The following SH3GL2 variants were observed in gnomAD, a reference collection of about 807,000 sequenced individuals.
SH3GL2 encodes endophilin-A1.
In SH3GL2, 24 loss-of-function variants were observed where a neutral mutation model predicts 46.0. The ratio of observed to expected loss-of-function variants is 0.52; its 90% confidence interval spans 0.38 to 0.73. The LOEUF is 0.73. Ranked by LOEUF, SH3GL2 falls within the 30% of genes least tolerant of loss-of-function variation. The pLI, the probability that SH3GL2 is intolerant of heterozygous loss-of-function variation, is 0.00. For missense variants in SH3GL2, 413 were observed against 424.2 expected (o/e 0.97, Z 0.23); for synonymous variants, 196 against 147.1 (o/e 1.33, Z -2.40).
At chr9:17,591,066 A>T (rs1178160861) in intron 1 of SH3GL2, 1 of 152,136 alleles carries the variant, frequency 6.6e-6, no homozygotes, top group Admixed American at 6.5e-5. Flanking sequence ...CTAACATTTA[A>T]TTCACTTTTT....
At chr9:17,692,962 G>A (rs1821119786) in intron 1 of SH3GL2, among the ~76,000 whole-genome samples, 1 of 152,060 alleles carries the variant, frequency 6.6e-6, no homozygotes, top group Non-Finnish European at 1.5e-5. Context: ...CATGAGAATA[G>A]CAAGGGGAGA....
In SH3GL2 at chr9:17,795,809, A is replaced by G. The variant is rs953630693; in HGVS notation, c.*66A>G. 5.4e-5 allele frequency: 71 copies of G among 1,316,202 alleles called. No homozygotes were observed. The highest frequency in any genetic ancestry group is 2.3e-4 in the Middle Eastern group (1 of 4,326). 81.5% of individuals were successfully genotyped at this position (1,316,202 alleles called of 1,614,324 possible). ...GTTACGGTTAACCACTGCTTTGGCAATGCTGCTTATAACACATCCCAAGTG... is the reference window on the plus strand; with the variant it reads ...GTTACGGTTAACCACTGCTTTGGCAGTGCTGCTTATAACACATCCCAAGTG... On this transcript the variant is annotated 3_prime_UTR_variant, in exon 9 of 9. Coordinates refer to ENST00000380607, the MANE Select transcript of SH3GL2 (RefSeq NM_003026.5).
intron 1 of SH3GL2, among the ~76,000 whole-genome samples, chr9:17,741,376 ATAAT>A (rs1239796211): frequency 1.3e-5 from 2 of 152,226 alleles, no homozygotes; most frequent in Admixed American, 1.3e-4. Context: ...GATTAAGAAA[ATAAT>A]TAGGTCATTA....
intron 3 of SH3GL2, among the ~76,000 whole-genome samples, chr9:17,761,938 G>T (rs532719675): frequency 6.6e-6 from 1 of 152,214 alleles, no homozygotes; most frequent in African/African-American, 2.4e-5. Flanking sequence ...TCTTCATAGG[G>T]CATCACCAAA....
intron 1 of SH3GL2, among the ~76,000 whole-genome samples, chr9:17,641,875 A>G (rs779170018): frequency 6.6e-6 from 1 of 152,134 alleles, no homozygotes; most frequent in Non-Finnish European, 1.5e-5. Flanking sequence ...AGTCTTTGCT[A>G]TTGTGAATAA....
chr9:17,772,686 A>C (rs751145583), intron 3 of SH3GL2, among the ~76,000 whole-genome samples: 3 of 152,148 alleles, frequency 2.0e-5, no homozygotes, highest in Non-Finnish European at 2.9e-5. Context: ...CTTCCTTTTT[A>C]AGGCTGAATA....
chr9:17,595,116 C>G (rs1331692738), intron 1 of SH3GL2, among the ~76,000 whole-genome samples: 2 of 152,074 alleles, frequency 1.3e-5, no homozygotes, highest in Non-Finnish European at 2.9e-5. Context: ...GAAGCTGAAA[C>G]ACAGAGGTGG....
At chr9:17,733,900 T>C (rs933900407) in intron 1 of SH3GL2, among the ~76,000 whole-genome samples, 9 of 152,040 alleles carry the variant, frequency 5.9e-5, no homozygotes, top group African/African-American at 1.9e-4. Flanking sequence ...ATATTCTCAC[T>C]GATAGGTGGG....
intron 1 of SH3GL2, among the ~76,000 whole-genome samples, chr9:17,586,706 C>A (rs7849043): frequency 0.75 from 114,699 of 152,018 alleles, 43,821 homozygotes; most frequent in African/African-American, 0.88. Context: ...AAACCGTCAG[C>A]TCTCGTGAGA....
chr9:17,680,594 T>G (rs1820741913), intron 1 of SH3GL2, among the ~76,000 whole-genome samples: 1 of 150,940 alleles, frequency 6.6e-6, no homozygotes, highest in African/African-American at 2.5e-5. Context: ...CTGGATTCAT[T>G]GATTTTTTGA....
intron 1 of SH3GL2, among the ~76,000 whole-genome samples, chr9:17,629,213 TTGTG>T (rs1819364877): frequency 6.6e-6 from 1 of 152,182 alleles, no homozygotes. Flanking sequence ...GGCCCTCATA[TTGTG>T]TAGTCATTAA....
At chr9:17,787,124 C>A (rs528984741) in intron 4 of SH3GL2, among the ~76,000 whole-genome samples, 6 of 152,256 alleles carry the variant, frequency 3.9e-5, no homozygotes, top group Admixed American at 6.5e-5. Flanking sequence ...CTGGTACTTA[C>A]AAGAGAGGGC....
intron 1 of SH3GL2, among the ~76,000 whole-genome samples, chr9:17,681,496 T>G (rs1307329286): frequency 6.6e-6 from 1 of 152,006 alleles, no homozygotes; most frequent in Non-Finnish European, 1.5e-5. Flanking sequence ...AACATGGGCT[T>G]AATATGCAGA....
At chr9:17,733,146 A>G (rs1205618827) in intron 1 of SH3GL2, among the ~76,000 whole-genome samples, 1 of 152,098 alleles carries the variant, frequency 6.6e-6, no homozygotes, top group East Asian at 1.9e-4. Flanking sequence ...CCTCTTTCCT[A>G]CAACCCTCAC....
At chr9:17,671,983 C>A (rs900839625) in intron 1 of SH3GL2, among the ~76,000 whole-genome samples, 5 of 152,106 alleles carry the variant, frequency 3.3e-5, no homozygotes, top group Admixed American at 1.3e-4. Flanking sequence ...TAAATTAATT[C>A]TATTTAAGTC....
chr9:17,735,808 G>C (rs573206217), intron 1 of SH3GL2: 11 of 887,944 alleles, frequency 1.2e-5, no homozygotes, highest in Admixed American at 6.2e-5. Context: ...GCTTAAGTTA[G>C]CAGGTAGGTG....
intron 1 of SH3GL2, among the ~76,000 whole-genome samples, chr9:17,672,407 C>G (rs1236551984): frequency 2.0e-5 from 3 of 152,094 alleles, no homozygotes; most frequent in Admixed American, 2.0e-4. Context: ...GGTCCTTGAC[C>G]TGAGCTCATT....
At position 17,793,416 on chromosome 9, in the gene SH3GL2, C is replaced by T. The variant is rs751906805; in HGVS notation, c.778C>T (p.Arg260Ter). The T allele has an allele frequency of 2.5e-6, 4 of 1,612,400 alleles. No homozygotes were observed. Among genetic ancestry groups the T allele is most frequent in the Admixed American group, 1.7e-5 (1 of 59,778 alleles). ...TAGAAGGGAATATCAACCTAAACCA[C>T]GAATGAGCCTGGAGTTTCCAACTGG... ...QPRREYQPKP[R>*]MSLEFPTGDS... is the part of the protein sequence containing the mutation. The change falls in exon 8 of 9, where the codon CGA becomes TGA. Residue 260 changes from arginine (R) to a stop codon, truncating the protein, a stop_gained. Coordinates refer to ENST00000380607, the MANE Select transcript of SH3GL2 (RefSeq NM_003026.5). LOFTEE classifies it high-confidence loss of function.
intron 1 of SH3GL2, among the ~76,000 whole-genome samples, chr9:17,640,359 C>CT (rs1403551791): frequency 6.6e-6 from 1 of 151,456 alleles, no homozygotes; most frequent in African/African-American, 2.4e-5. Context: ...TTCCTTTTTT[C>CT]TTTTTTTTAA....
Sources: gnomAD v4.1 joint callset for allele counts (sites outside exome capture counted in the v4.1 genomes callset) on GRCh38, gnomAD v4.1.1 for gene constraint, MANE v1.5 for transcripts, NCBI Gene and HGNC (gene_info 2026-07-23, HGNC 2026-07-21) for gene names.